Variants in ELMO1 observed in about 807,000 individuals in gnomAD.
The protein encoded by ELMO1 is engulfment and cell motility 1.
ELMO1 carries 26 observed loss-of-function variants against 98.9 expected under a neutral mutation model. That is an observed-to-expected ratio of 0.26 (90% CI 0.19 to 0.36). The LOEUF is 0.36. ELMO1 is among the 10% of genes least tolerant of loss of function. ELMO1 has a pLI of 1.00. For missense variants in ELMO1, 627 were observed against 935.2 expected (o/e 0.67, Z 4.30); for synonymous variants, 346 against 346.0 (o/e 1.00, Z 0.00).
intron 16 of ELMO1, among the ~76,000 whole-genome samples, chr7:36,976,031 G>A (rs940437669): frequency 1.6e-4 from 25 of 152,114 alleles, no homozygotes; most frequent in African/African-American, 2.4e-4. Flanking sequence ...TGTAAAAGCC[G>A]AAATACTAAA....
chr7:37,359,549 C>T (rs1801620354), intron 1 of ELMO1, among the ~76,000 whole-genome samples: 1 of 152,228 alleles, frequency 6.6e-6, no homozygotes, highest in Admixed American at 6.5e-5. Context: ...GTCCTCACAA[C>T]AGCCCCGTGA....
chr7:37,332,078 G>A (rs878935162), intron 2 of ELMO1, among the ~76,000 whole-genome samples: 4 of 152,258 alleles, frequency 2.6e-5, no homozygotes, highest in Middle Eastern at 3.4e-3. Flanking sequence ...CAAACAGATC[G>A]CCACGAGTTT....
intron 6 of ELMO1, among the ~76,000 whole-genome samples, chr7:37,256,284 T>C (rs942740142): frequency 9.2e-5 from 14 of 152,114 alleles, no homozygotes; most frequent in African/African-American, 3.1e-4. Context: ...ATGATACCTG[T>C]CTACAGTTGA....
chr7:37,145,134 C>CAGTA (rs1324427881), intron 13 of ELMO1, among the ~76,000 whole-genome samples: 1 of 152,206 alleles, frequency 6.6e-6, no homozygotes, highest in Non-Finnish European at 1.5e-5. Context: ...AAGTCTCATC[C>CAGTA]AGTAGGCCTG....
At chr7:37,129,488 T>C (rs1438531688) in intron 14 of ELMO1, among the ~76,000 whole-genome samples, 1 of 152,214 alleles carries the variant, frequency 6.6e-6, no homozygotes, top group Non-Finnish European at 1.5e-5. Flanking sequence ...CACATGCATG[T>C]AAGAGTCTGG....
rs924442026 is a variant in ELMO1 at position 37,448,860 on chromosome 7, A to C, written c.-259T>G. The C allele has an allele frequency of 2.0e-5, 3 of 152,374 alleles. No homozygotes were observed. Among genetic ancestry groups the C allele is most frequent in the African/African-American group, 7.3e-5 (3 of 41,160 alleles). 9.4% of individuals were successfully genotyped at this position (152,374 alleles called of 1,614,324 possible). On this transcript the variant is annotated 5_prime_UTR_variant, in exon 1 of 22. Transcript: ENST00000310758. ...CGCTCGCCCCAGCACACGCACTTAC[A>C]CTCTGGGTCGGCCGGCTGCTGCACC...
chr7:36,878,210 C>G, intron 18 of ELMO1, 93 bp from the exon 19 acceptor site: 1 of 908,654 alleles, frequency 1.1e-6, no homozygotes, highest in Non-Finnish European at 1.7e-6. Flanking sequence ...CTGGAGGAAA[C>G]AAGCAGTTCA....
chr7:37,177,845 T>C (rs1341316071), intron 13 of ELMO1, among the ~76,000 whole-genome samples: 1 of 152,218 alleles, frequency 6.6e-6, no homozygotes, highest in African/African-American at 2.4e-5. Flanking sequence ...TGTTACTCTT[T>C]GTATTTGAAG....
intron 16 of ELMO1, among the ~76,000 whole-genome samples, chr7:36,987,692 C>T (rs910658580): frequency 5.3e-5 from 8 of 152,120 alleles, no homozygotes; most frequent in African/African-American, 1.2e-4. Flanking sequence ...CAGCAACAGT[C>T]GCCCTCAGCC....
chr7:37,095,161 G>A (rs1206164482), intron 15 of ELMO1, among the ~76,000 whole-genome samples: 1 of 152,176 alleles, frequency 6.6e-6, no homozygotes, highest in Non-Finnish European at 1.5e-5. Flanking sequence ...CACCTGCCTG[G>A]TAGAACACCA....
At chr7:37,225,187 T>TAGGG (rs1256522181) in intron 8 of ELMO1, among the ~76,000 whole-genome samples, 157 bp from the exon 9 acceptor site, 1 of 152,194 alleles carries the variant, frequency 6.6e-6, no homozygotes, top group Non-Finnish European at 1.5e-5. Flanking sequence ...CCCATTGAAC[T>TAGGG]AGGGATTGTT....
chr7:37,302,679 T>C (rs1384579149), intron 4 of ELMO1, among the ~76,000 whole-genome samples: 1 of 152,090 alleles, frequency 6.6e-6, no homozygotes, highest in Non-Finnish European at 1.5e-5. Flanking sequence ...AGACAAGCCA[T>C]CATGGATGGG....
At chr7:37,126,328 T>TATAA (rs1554419120) in intron 14 of ELMO1, among the ~76,000 whole-genome samples, 1 of 138,734 alleles carries the variant, frequency 7.2e-6, no homozygotes, top group African/African-American at 2.7e-5. Flanking sequence ...TATATATATA[T>TATAA]AAAAGAAAAG....
chr7:37,224,766 T>G (rs1388382809), intron 9 of ELMO1, 113 bp downstream of exon 9: 3 of 1,448,324 alleles, frequency 2.1e-6, no homozygotes, highest in Non-Finnish European at 2.8e-6. Context: ...CAAATTGAGA[T>G]TCTTTTTCTG....
intron 16 of ELMO1, among the ~76,000 whole-genome samples, chr7:36,937,584 T>G (rs1439945848): frequency 6.6e-6 from 1 of 152,192 alleles, no homozygotes; most frequent in Non-Finnish European, 1.5e-5. Flanking sequence ...ATGAACACAG[T>G]GCTTATTCAG....
chr7:37,216,970 C>T (rs906088168), intron 10 of ELMO1, among the ~76,000 whole-genome samples: 6 of 152,144 alleles, frequency 3.9e-5, no homozygotes, highest in African/African-American at 1.4e-4. Flanking sequence ...AAGGTGGGTG[C>T]TAAATAAAAA....
intron 17 of ELMO1, among the ~76,000 whole-genome samples, chr7:36,894,089 T>C (rs554822980): frequency 6.6e-6 from 1 of 152,298 alleles, no homozygotes; most frequent in South Asian, 2.1e-4. Context: ...CCTGTGTTTT[T>C]CCTCTTTAAA....
intron 1 of ELMO1, among the ~76,000 whole-genome samples, chr7:37,394,899 T>A (rs1411496706): frequency 6.6e-6 from 1 of 152,298 alleles, no homozygotes; most frequent in African/African-American, 2.4e-5. Context: ...TTTATCCTGA[T>A]TACCGGAATG....
chr7:37,238,168 T>C (rs1794578815), intron 7 of ELMO1, among the ~76,000 whole-genome samples: 1 of 152,230 alleles, frequency 6.6e-6, no homozygotes, highest in Non-Finnish European at 1.5e-5. Flanking sequence ...TAATTAAAAT[T>C]GTGTCCTCCA....
Sources: gnomAD v4.1 joint callset for allele counts (sites outside exome capture counted in the v4.1 genomes callset) on GRCh38, gnomAD v4.1.1 for gene constraint, MANE v1.5 for transcripts, NCBI Gene and HGNC (gene_info 2026-07-23, HGNC 2026-07-21) for gene names.